ANKFN1: variants seen among roughly 807,000 people sequenced by gnomAD.
ANKFN1 encodes the protein ankyrin repeat and fibronectin type-III domain-containing protein 1.
Under a neutral mutation model 108.7 loss-of-function variants are expected in ANKFN1, and 74 were observed. That is an observed-to-expected ratio of 0.68 (90% CI 0.56 to 0.83). The LOEUF is 0.83. Among genes scored for constraint, ANKFN1 ranks in the 40% least tolerant of loss-of-function variants. ANKFN1 has a pLI of 0.00. For synonymous variants in ANKFN1, 547 were observed against 516.2 expected (o/e 1.06, Z -0.81); for missense variants, 1,505 against 1,382.3 (o/e 1.09, Z -1.41).
At chr17:56,487,425 C>T (rs1455680552) in intron 18 of ANKFN1, among the ~76,000 whole-genome samples, 1 of 152,116 alleles carries the variant, frequency 6.6e-6, no homozygotes, top group Non-Finnish European at 1.5e-5. Flanking sequence ...CCTGCCCTGA[C>T]CTTGTGGGTG....
intron 4 of ANKFN1, among the ~76,000 whole-genome samples, chr17:56,137,407 C>T (rs1382827108): frequency 1.3e-5 from 2 of 152,184 alleles, no homozygotes; most frequent in Non-Finnish European, 2.9e-5. Flanking sequence ...ATCCCTTGCC[C>T]AAGTTTCCCT....
intron 18 of ANKFN1, among the ~76,000 whole-genome samples, chr17:56,491,819 T>A (rs1178146409): frequency 6.6e-6 from 1 of 152,196 alleles, no homozygotes; most frequent in Admixed American, 6.5e-5. Context: ...AAATTGCTAC[T>A]TGGCTTTTTT....
intron 19 of ANKFN1, among the ~76,000 whole-genome samples, chr17:56,495,673 A>T (rs937612695): frequency 2.0e-5 from 3 of 152,132 alleles, no homozygotes; most frequent in African/African-American, 7.2e-5. Flanking sequence ...AAGTGTGAAG[A>T]CCTGGAGCTT....
chr17:56,417,553 A>C (rs571313700), intron 8 of ANKFN1, among the ~76,000 whole-genome samples: 28 of 152,184 alleles, frequency 1.8e-4, no homozygotes, highest in Non-Finnish European at 2.9e-4. Flanking sequence ...TGGGAGTTGA[A>C]ATTTTCTCCC....
chr17:56,103,045 C>T (rs1167950856), intron 4 of ANKFN1, among the ~76,000 whole-genome samples: 1 of 152,122 alleles, frequency 6.6e-6, no homozygotes, highest in Non-Finnish European at 1.5e-5. Flanking sequence ...GTTAACACAG[C>T]GGGACATTTA....
intron 4 of ANKFN1, among the ~76,000 whole-genome samples, chr17:56,143,990 A>G (rs1419125569): frequency 6.6e-6 from 1 of 152,058 alleles, no homozygotes; most frequent in Non-Finnish European, 1.5e-5. Flanking sequence ...AGTGTGTGAT[A>G]ATCTGCTATA....
In ANKFN1 at chr17:56,456,933, C is replaced by G; in HGVS notation, c.1280C>G (p.Ser427Trp). The G allele has an allele frequency of 5.0e-6, 8 of 1,614,032 alleles. No individual in the cohort carries two copies. Among genetic ancestry groups the G allele is most frequent in the Middle Eastern group, 1.6e-4 (1 of 6,062 alleles). ...AGCCTGAAACACCTGTTCCATTCCT[C>G]GAACAAGTTTGTGAAGACCTTAAAA... The part of the protein sequence containing the change: ...SRSLKHLFHS[S>W]NKFVKTLKRG... Residue 427 changes from serine to tryptophan, a missense_variant, in exon 12 of 21, where the codon TCG becomes TGG. Physicochemically the swap from Ser to Trp is radical, Grantham distance 177. Coordinates refer to ENST00000682825, the MANE Select transcript of ANKFN1 (RefSeq NM_001370326.1).
At chr17:56,343,321 G>T (rs2046008659) in intron 4 of ANKFN1, among the ~76,000 whole-genome samples, 1 of 151,818 alleles carries the variant, frequency 6.6e-6, no homozygotes, top group African/African-American at 2.4e-5. Flanking sequence ...TGTTTATCTG[G>T]CAGTATCTTA....
intron 4 of ANKFN1, among the ~76,000 whole-genome samples, chr17:56,076,784 G>A (rs1249828331): frequency 6.6e-6 from 1 of 151,888 alleles, no homozygotes; most frequent in Non-Finnish European, 1.5e-5. Context: ...TCATATGCAG[G>A]TAATTTGGTG....
intron 4 of ANKFN1, among the ~76,000 whole-genome samples, chr17:56,120,074 A>G (rs1374560208): frequency 6.6e-6 from 1 of 152,188 alleles, no homozygotes; most frequent in East Asian, 1.9e-4. Context: ...CCTAATTCTC[A>G]AATGATGCTT....
chr17:56,281,967 G>A (rs1402322297), intron 3 of ANKFN1, among the ~76,000 whole-genome samples: 1 of 152,088 alleles, frequency 6.6e-6, no homozygotes, highest in Admixed American at 6.6e-5. Flanking sequence ...TTAGGACCCA[G>A]CAATTCTACT....
At chr17:56,189,672 A>AGTTTATCTGC (rs1278173896) in intron 1 of ANKFN1, among the ~76,000 whole-genome samples, 2 of 152,108 alleles carry the variant, frequency 1.3e-5, no homozygotes. Flanking sequence ...ACAGCTCCAA[A>AGTTTATCTGC]AACACTATCT....
At chr17:56,254,240 A>C (rs556896532) in intron 3 of ANKFN1, 1 of 152,188 alleles carries the variant, frequency 6.6e-6, no homozygotes, top group South Asian at 2.1e-4. Flanking sequence ...AATTTATACT[A>C]TTCTGGAGCA....
chr17:56,420,246 G>A (rs2048359551), intron 8 of ANKFN1, among the ~76,000 whole-genome samples: 1 of 152,172 alleles, frequency 6.6e-6, no homozygotes, highest in South Asian at 2.1e-4. Flanking sequence ...TGCTGACTTA[G>A]AGGAATTCTA....
At chr17:56,065,460 C>T (rs531953188) in intron 4 of ANKFN1, among the ~76,000 whole-genome samples, 51 of 152,250 alleles carry the variant, frequency 3.3e-4, no homozygotes, top group Middle Eastern at 3.4e-3. Flanking sequence ...CAGCTTGGCA[C>T]GAGAACTTAG....
intron 8 of ANKFN1, among the ~76,000 whole-genome samples, chr17:56,394,870 C>T (rs759230414): frequency 6.6e-5 from 10 of 152,100 alleles, no homozygotes; most frequent in South Asian, 2.1e-4. Flanking sequence ...GTCAATAGTC[C>T]GCGACTGCTT....
At chr17:56,110,498 A>G (rs2143247800) in intron 4 of ANKFN1, among the ~76,000 whole-genome samples, 1 of 152,304 alleles carries the variant, frequency 6.6e-6, no homozygotes, top group African/African-American at 2.4e-5. Flanking sequence ...CTGGTTTCCA[A>G]ATCAGTCATG....
chr17:56,384,421 G>C (rs578023804), intron 8 of ANKFN1, among the ~76,000 whole-genome samples: 4 of 152,296 alleles, frequency 2.6e-5, no homozygotes, highest in South Asian at 2.1e-4. Context: ...ACTGGCACAA[G>C]ACAGGGATGC....
chr17:56,314,351 G>A (rs2045135713), intron 3 of ANKFN1, among the ~76,000 whole-genome samples: 2 of 152,130 alleles, frequency 1.3e-5, no homozygotes, highest in African/African-American at 4.8e-5. Flanking sequence ...CTGTCAAACA[G>A]TTCTCCAAAG....
Sources: allele counts gnomAD v4.1 joint callset (sites outside exome capture counted in the v4.1 genomes callset), GRCh38; gene constraint gnomAD v4.1.1; transcripts MANE v1.5; gene names NCBI Gene and HGNC (gene_info 2026-07-23, HGNC 2026-07-21).